The following NIPBL variants were observed in gnomAD, a reference collection of about 807,000 sequenced individuals.
The protein encoded by NIPBL is NIPBL cohesin loading factor, also known as nipped-B-like protein.
A neutral mutation model predicts 321.8 loss-of-function variants in NIPBL; 19 were observed. The ratio of observed to expected loss-of-function variants is 0.06; its 90% CI spans 0.04 to 0.09. The LOEUF is 0.09. Among genes scored for constraint, NIPBL ranks in the 10% least tolerant of loss-of-function variants. NIPBL has a pLI of 1.00. For missense variants in NIPBL, 2,210 were observed against 3,327.0 expected (o/e 0.66, Z 8.26); for synonymous variants, 1,106 against 1,114.1 (o/e 0.99, Z 0.14).
intron 1 of NIPBL, among the ~76,000 whole-genome samples, chr5:36,952,299 A>G (rs1299172230): frequency 1.3e-5 from 2 of 152,168 alleles, no homozygotes; most frequent in East Asian, 1.9e-4. Flanking sequence ...AGGTTCTCTT[A>G]AAAGTGACTG....
intron 14 of NIPBL, 56 bp downstream of exon 14, chr5:37,001,134 C>T: frequency 8.6e-7 from 1 of 1,159,232 alleles, no homozygotes; most frequent in Non-Finnish European, 1.3e-6. Flanking sequence ...ACTGTATCCT[C>T]TAGAGTAACT....
chr5:36,970,005 G>A (rs1225976233), intron 6 of NIPBL, among the ~76,000 whole-genome samples: 1 of 152,118 alleles, frequency 6.6e-6, no homozygotes, highest in African/African-American at 2.4e-5. Context: ...ATGGCAGCAA[G>A]CATTTTAAGC....
At chr5:37,023,030 T>TA (rs530362017) in intron 29 of NIPBL, among the ~76,000 whole-genome samples, 328 of 152,338 alleles carry the variant, frequency 2.2e-3, no homozygotes, top group Non-Finnish European at 3.2e-3. Context: ...CATATTGACT[T>TA]ATTGTAGAAC....
At chr5:36,992,589 A>G (rs1580416677) in intron 10 of NIPBL, among the ~76,000 whole-genome samples, 1 of 152,100 alleles carries the variant, frequency 6.6e-6, no homozygotes. Flanking sequence ...AATATAGCTC[A>G]CTGCAACCTG....
chr5:37,044,197 A>G (rs1752742181), intron 34 of NIPBL, 150 bp from the exon 35 acceptor site: 6 of 674,342 alleles, frequency 8.9e-6, no homozygotes, highest in South Asian at 6.0e-5. Flanking sequence ...TTCTCCTTCC[A>G]TACCTTGAAA....
intron 5 of NIPBL, 152 bp from the exon 6 acceptor site, chr5:36,961,971 A>G: frequency 1.1e-6 from 1 of 869,614 alleles, no homozygotes; most frequent in South Asian, 1.7e-5. Flanking sequence ...CAATTTTTGT[A>G]TGTTATTTGA....
chr5:37,015,958 A>C (rs1748935887), intron 22 of NIPBL, 80 bp from the exon 23 acceptor site: 2 of 1,435,112 alleles, frequency 1.4e-6, no homozygotes, highest in Admixed American at 3.4e-5. Flanking sequence ...CTTAGCTAAC[A>C]ATTTCAATCA....
intron 6 of NIPBL, among the ~76,000 whole-genome samples, chr5:36,964,969 A>C (rs1172270443): frequency 6.6e-6 from 1 of 152,196 alleles, no homozygotes; most frequent in Non-Finnish European, 1.5e-5. Context: ...AACAAAAAGC[A>C]CAGTGAAATA....
At chr5:36,924,294 T>C (rs1312689549) in intron 1 of NIPBL, among the ~76,000 whole-genome samples, 2 of 152,092 alleles carry the variant, frequency 1.3e-5, no homozygotes, top group South Asian at 2.1e-4. Context: ...AAATGTTTAG[T>C]GTGTTACTGA....
chr5:36,930,923 T>A (rs1410275037), intron 1 of NIPBL, among the ~76,000 whole-genome samples: 1 of 152,174 alleles, frequency 6.6e-6, no homozygotes, highest in Non-Finnish European at 1.5e-5. Flanking sequence ...TTTTATATGT[T>A]GATGAATTTG....
At chr5:36,976,597 T>C (rs1362306049) in intron 9 of NIPBL, among the ~76,000 whole-genome samples, 195 bp downstream of exon 9, 8 of 152,188 alleles carry the variant, frequency 5.3e-5, no homozygotes. Context: ...GAAACAACTA[T>C]ATGAGATTTG....
chr5:37,006,137 T>C (rs906688704), intron 16 of NIPBL, among the ~76,000 whole-genome samples: 3 of 152,112 alleles, frequency 2.0e-5, no homozygotes, highest in Middle Eastern at 3.2e-3. Flanking sequence ...GGGTGTCATC[T>C]AGTGGTGAAA....
chr5:37,027,421 T>C lies in NIPBL; in HGVS notation c.5862+9T>C. ...AGCAACTGCTTCAAAACGTGAGTGTTCTTTTGACTCCTGATAACCTAAAAT... is the reference window on the plus strand; with the variant it reads ...AGCAACTGCTTCAAAACGTGAGTGTCCTTTTGACTCCTGATAACCTAAAAT... On this transcript the variant is annotated intron_variant, in intron 32 of 46. Coordinates refer to ENST00000282516, the MANE Select transcript of NIPBL (RefSeq NM_133433.4). 1 of 1,608,340 alleles carries C rather than the reference T, an allele frequency of 6.2e-7. No individual in the cohort carries two copies.
intron 8 of NIPBL, among the ~76,000 whole-genome samples, chr5:36,974,083 A>G (rs1743184615): frequency 6.6e-6 from 1 of 152,240 alleles, no homozygotes. Flanking sequence ...GGTTAGATAC[A>G]TATCCCACAA....
intron 38 of NIPBL, among the ~76,000 whole-genome samples, chr5:37,047,180 T>C (rs1174115295): frequency 1.3e-5 from 2 of 152,174 alleles, no homozygotes; most frequent in Non-Finnish European, 2.9e-5. Context: ...ATCCACGGAT[T>C]TTGGTATCCC....
At chr5:36,995,474 G>C in intron 10 of NIPBL, 148 bp from the exon 11 acceptor site, 1 of 611,810 alleles carries the variant, frequency 1.6e-6, no homozygotes, top group Non-Finnish European at 2.9e-6. Flanking sequence ...TGTCACTTTA[G>C]GGTTAAGAGT....
chr5:37,034,434 C>CA (rs2149715372), intron 32 of NIPBL, among the ~76,000 whole-genome samples: 1 of 152,198 alleles, frequency 6.6e-6, no homozygotes, highest in Admixed American at 6.5e-5. Flanking sequence ...CATCAGGAGG[C>CA]ATATACAAGA....
At chr5:36,913,155 A>T (rs1748181127) in intron 1 of NIPBL, among the ~76,000 whole-genome samples, 1 of 152,154 alleles carries the variant, frequency 6.6e-6, no homozygotes. Context: ...GAGAAATTTG[A>T]ATATGGATTG....
At chr5:36,927,068 A>G (rs902484108) in intron 1 of NIPBL, among the ~76,000 whole-genome samples, 9 of 152,204 alleles carry the variant, frequency 5.9e-5, no homozygotes, top group African/African-American at 9.6e-5. Flanking sequence ...ATAAATATGT[A>G]TATTCTCCCT....
Sources: allele counts gnomAD v4.1 joint callset (sites outside exome capture counted in the v4.1 genomes callset), GRCh38; gene constraint gnomAD v4.1.1; transcripts MANE v1.5; gene names NCBI Gene and HGNC (gene_info 2026-07-23, HGNC 2026-07-21).